GLRB: variants seen among roughly 807,000 people sequenced by gnomAD.
GLRB encodes the protein glycine receptor beta, also known as glycine receptor subunit beta.
Under a neutral mutation model 54.2 loss-of-function variants are expected in GLRB, and 33 were observed. The observed-to-expected ratio is 0.61, with a 90% confidence interval of 0.46 to 0.81. GLRB has a LOEUF of 0.81. Among genes scored for constraint, GLRB ranks in the 40% least tolerant of loss-of-function variants. The pLI is 0.00. For synonymous variants in GLRB, 209 were observed against 208.2 expected, an observed-to-expected ratio of 1.00 and a Z score of -0.03; for missense variants, 572 against 584.6, an observed-to-expected ratio of 0.98 and a Z score of 0.22.
chr4:157,143,658 A>G, intron 7 of GLRB, 149 bp from the exon 8 acceptor site: 1 of 717,968 alleles, frequency 1.4e-6, no homozygotes, highest in Non-Finnish European at 2.4e-6. Flanking sequence ...CATAAATTAT[A>G]TATCTGCAAA....
At chr4:157,077,048 G>A (rs1033261349) in intron 1 of GLRB, among the ~76,000 whole-genome samples, 3 of 148,686 alleles carry the variant, frequency 2.0e-5, no homozygotes, top group African/African-American at 7.4e-5. Context: ...AATTAAGTTA[G>A]CGTTGAAGAA....
At chr4:157,129,931 T>C (rs531295678) in intron 4 of GLRB, among the ~76,000 whole-genome samples, 1 of 151,666 alleles carries the variant, frequency 6.6e-6, no homozygotes, top group Non-Finnish European at 1.5e-5. Context: ...CATGTTACAC[T>C]ATATGCAGAA....
intron 4 of GLRB, among the ~76,000 whole-genome samples, chr4:157,126,739 A>T (rs545546323): frequency 2.6e-5 from 4 of 152,020 alleles, no homozygotes; most frequent in Admixed American, 1.3e-4. Flanking sequence ...GGCTTTAATC[A>T]GCAGGATTTT....
At chr4:157,139,906 G>A (rs1424065910) in intron 7 of GLRB, among the ~76,000 whole-genome samples, 3 of 151,896 alleles carry the variant, frequency 2.0e-5, no homozygotes, top group Non-Finnish European at 4.4e-5. Context: ...GACAGAATGA[G>A]CTAGAATGCT....
intron 4 of GLRB, among the ~76,000 whole-genome samples, chr4:157,130,995 T>G (rs1162328895): frequency 2.6e-5 from 4 of 151,602 alleles, no homozygotes; most frequent in Non-Finnish European, 4.4e-5. Flanking sequence ...ACAAAACTTG[T>G]TAATGTTATA....
At chr4:157,164,405 G>A (rs941038169) in intron 9 of GLRB, among the ~76,000 whole-genome samples, 4 of 152,046 alleles carry the variant, frequency 2.6e-5, no homozygotes, top group African/African-American at 9.7e-5. Context: ...TCTACTCCTC[G>A]ATTTACATCT....
rs1476943809 is a variant in GLRB, at chr4:157,171,712, A to C, written c.*984A>C. 3 of 152,090 alleles carry C rather than the reference A, an allele frequency of 2.0e-5. No homozygotes were observed. Among genetic ancestry groups the C allele is most frequent in the African/African-American group, 7.2e-5 (3 of 41,416 alleles). The allele number at this position is 152,090 out of a possible 1,614,324, so 9.4% of individuals were successfully genotyped here. On this transcript the variant is annotated 3_prime_UTR_variant, in exon 10 of 10. Coordinates refer to ENST00000264428, the MANE Select transcript of GLRB (RefSeq NM_000824.5). ...TAAGTAAAATTAAAAATGTTTACTG[A>C]ATTTATTTTTTTATTTGAATATTTT... is the stretch of plus-strand genomic sequence containing the variant.
At chr4:157,155,230 G>T (rs942620642) in intron 9 of GLRB, among the ~76,000 whole-genome samples, 53 of 152,240 alleles carry the variant, frequency 3.5e-4, no homozygotes, top group African/African-American at 1.2e-3. Context: ...CTGGATTCAA[G>T]CAATCCTCCC....
In GLRB at chr4:157,138,816, C is replaced by T; in HGVS notation, c.618C>T (p.Tyr206=). 1 of 1,524,084 alleles carries T rather than the reference C, an allele frequency of 6.6e-7. No individual in the cohort carries two copies. The highest frequency in any genetic ancestry group is 9.1e-7 in the Non-Finnish European group (1 of 1,100,020). 94.4% of individuals were successfully genotyped at this position (1,524,084 alleles called of 1,614,324 possible). A position where few individuals can be genotyped will look rare whatever the true frequency, so the allele number is the denominator to read the frequency against. Residue 206 remains tyrosine (Y), a synonymous_variant, in exon 7 of 10, where the codon TAC becomes TAT. Coordinates refer to ENST00000264428, the MANE Select transcript of GLRB (RefSeq NM_000824.5). ...RCKMQLESFG[Y]TTDDLRFIWQ... is the part of the protein sequence containing the mutation. ...ATTTGTTTTTGTTTATAGTTGGTTA[C>T]ACAACTGATGATTTACGATTTATCT...
intron 6 of GLRB, among the ~76,000 whole-genome samples, chr4:157,137,548 C>T (rs1736447658): frequency 6.6e-6 from 1 of 150,620 alleles, no homozygotes; most frequent in South Asian, 2.1e-4. Flanking sequence ...ATAATAAGGT[C>T]GTCTATTTCT....
intron 7 of GLRB, among the ~76,000 whole-genome samples, chr4:157,139,626 G>A (rs564603492): frequency 2.4e-4 from 37 of 152,100 alleles, no homozygotes; most frequent in Admixed American, 7.2e-4. Context: ...CTAGGTTAGT[G>A]AGGGTTTTAG....
chr4:157,090,622 C>T (rs1734575936), intron 2 of GLRB, among the ~76,000 whole-genome samples: 1 of 152,194 alleles, frequency 6.6e-6, no homozygotes, highest in Admixed American at 6.5e-5. Context: ...GAAATCAGAT[C>T]ATTGAACATT....
chr4:157,151,388 TTTGA>T (rs985867227), intron 8 of GLRB, among the ~76,000 whole-genome samples: 2 of 152,092 alleles, frequency 1.3e-5, no homozygotes, highest in Non-Finnish European at 2.9e-5. Context: ...TTGACCACAG[TTTGA>T]TTGCACTGTG....
At chr4:157,170,189 G>A (rs944194392) in intron 9 of GLRB, among the ~76,000 whole-genome samples, 6 of 151,940 alleles carry the variant, frequency 3.9e-5, no homozygotes, top group Non-Finnish European at 1.5e-5. Context: ...TGATTCCTTA[G>A]CATGAAATAA....
chr4:157,096,565 C>T (rs554458216), intron 2 of GLRB, among the ~76,000 whole-genome samples: 44 of 152,326 alleles, frequency 2.9e-4, no homozygotes, highest in African/African-American at 1.0e-3. Flanking sequence ...GATGCCACCA[C>T]ATTTATATTA....
At chr4:157,126,851 A>G (rs546764597) in intron 4 of GLRB, among the ~76,000 whole-genome samples, 28 of 152,014 alleles carry the variant, frequency 1.8e-4, no homozygotes, top group African/African-American at 6.0e-4. Context: ...TCAGAAATAC[A>G]TAAGAGCTCT....
At chr4:157,122,600 C>G (rs1024856530) in intron 4 of GLRB, among the ~76,000 whole-genome samples, 2 of 151,600 alleles carry the variant, frequency 1.3e-5, no homozygotes, top group African/African-American at 4.8e-5. Context: ...TTTAATATTG[C>G]GTTAAAACTT....
At chr4:157,111,220 G>T (rs1451501936) in intron 2 of GLRB, among the ~76,000 whole-genome samples, 1 of 152,038 alleles carries the variant, frequency 6.6e-6, no homozygotes, top group Non-Finnish European at 1.5e-5. Flanking sequence ...TCAGGGAGAA[G>T]CTGGGAGCTA....
chr4:157,145,515 A>G (rs574645963), intron 8 of GLRB, among the ~76,000 whole-genome samples: 1 of 152,290 alleles, frequency 6.6e-6, no homozygotes, highest in East Asian at 1.9e-4. Context: ...GCAGTTCTAC[A>G]TATTTTGATT....
Sources: gnomAD v4.1 joint callset for allele counts (sites outside exome capture counted in the v4.1 genomes callset) on GRCh38, gnomAD v4.1.1 for gene constraint, MANE v1.5 for transcripts, NCBI Gene and HGNC (gene_info 2026-07-23, HGNC 2026-07-21) for gene names.